The following DOP1A variants were observed in gnomAD, a reference collection of about 807,000 sequenced individuals.
DOP1A encodes protein DOP1A.
Under a neutral mutation model 267.6 loss-of-function variants are expected in DOP1A, and 90 were observed. The observed-to-expected ratio is 0.34, with a 90% CI of 0.28 to 0.40. The LOEUF is 0.40. Ranked by LOEUF, DOP1A falls within the 10% of genes least tolerant of loss-of-function variation. The pLI, the probability that DOP1A is intolerant of heterozygous loss-of-function variation, is 1.00. For missense variants in DOP1A, 2,437 were observed against 2,900.4 expected (o/e 0.84, Z 3.67); for synonymous variants, 932 against 999.1 (o/e 0.93, Z 1.27).
In DOP1A at chr6:83,138,895, G is replaced by A. The variant is rs1290940353; in HGVS notation, c.4853G>A (p.Ser1618Asn). 1.9e-6 allele frequency: 3 copies of A among 1,614,054 alleles called. No homozygotes were observed. In the Admixed American group the frequency reaches 5.0e-5, roughly 27 times the overall value. ...DFVVSDLEHI[S>N]PHQPMTSLQY... ...GTTGTATCTGACTTAGAACACATCA[G>A]TCCCCATCAACCCATGACTTCTCTT... The change falls in exon 21 of 39, where the codon AGT becomes AAT. Residue 1618 changes from serine to asparagine, a missense_variant. Ser to Asn is a conservative substitution (Grantham distance 46). Transcript: ENST00000349129.
Position 83,135,608 on chromosome 6 carries a change from G to A in DOP1A, c.2871-11G>A. The stretch of plus-strand genomic sequence containing the variant: ...TTGGTTCTTTATTTTAATTATTTGT[G>A]TTTATTTTAGGTCACTGTTCATCAT... On this transcript the variant is annotated splice_polypyrimidine_tract_variant and intron_variant, in intron 19 of 38. Transcript: ENST00000349129. The A allele has an allele frequency of 1.2e-6, 2 of 1,601,740 alleles. No individual in the cohort carries two copies. The highest frequency in any genetic ancestry group is 1.7e-6 in the Non-Finnish European group (2 of 1,172,438).
chr6:83,151,590 T>C lies in DOP1A; in HGVS notation c.5838-3T>C. The C allele has an allele frequency of 6.3e-7, 1 of 1,595,218 alleles. No homozygotes were observed. The highest frequency in any genetic ancestry group is 8.5e-7 in the Non-Finnish European group (1 of 1,174,566). ...GTTTCTGTTTTCTCTTTGGCCCTTT[T>C]AGGGTTCTGAATGAGTTTATTATGA... On this transcript the variant is annotated splice_polypyrimidine_tract_variant and splice_region_variant and intron_variant, in intron 27 of 38. Coordinates refer to ENST00000349129, the MANE Select transcript of DOP1A (RefSeq NM_015018.4).
At chr6:83,134,543 A>G in intron 19 of DOP1A, 1 of 353,928 alleles carries the variant, frequency 2.8e-6, no homozygotes, top group Non-Finnish European at 5.1e-6. Flanking sequence ...CGTTCCTGAT[A>G]ATGTTAGTGA....
chr6:83,110,970 A>T (rs1774455287), intron 6 of DOP1A, among the ~76,000 whole-genome samples: 1 of 152,146 alleles, frequency 6.6e-6, no homozygotes, highest in Non-Finnish European at 1.5e-5. Context: ...CAAGACACAG[A>T]ATATTTACAT....
rs1173596441 is a variant in DOP1A at position 83,157,336 on chromosome 6, C to T, written c.6741+18C>T. 2 of 1,609,954 alleles carry T rather than the reference C, an allele frequency of 1.2e-6. No homozygotes were observed. Among genetic ancestry groups the T allele is most frequent in the Non-Finnish European group, 1.7e-6 (2 of 1,176,856 alleles). On this transcript the variant is annotated intron_variant, in intron 35 of 38. Transcript: ENST00000349129. Reference sequence around the variant, plus strand: ...CAGAACTTGTGAGTTAATTTTAATTCAGTCAGGTTATAAATCTAAATGATA... The same window carrying T: ...CAGAACTTGTGAGTTAATTTTAATTTAGTCAGGTTATAAATCTAAATGATA...
downstream of DOP1A, chr6:83,169,871 TGTC>T: frequency 2.3e-6 from 1 of 434,908 alleles, no homozygotes; most frequent in Non-Finnish European, 4.5e-6. Context: ...AGAGTAAGGC[TGTC>T]ATTTAAAGGA....
chr6:83,132,191 T>C lies in DOP1A; in HGVS notation c.2632T>C (p.Leu878=), dbSNP rs1479172765. ...TEFFKHVALT[L]WDQLGDGTPQ... ...TTTTTTATAGCATGTAGCTTTAACA[T>C]TGTGGGACCAGTTGGGAGATGGGAC... Residue 878 remains leucine, a synonymous_variant, in exon 18 of 39, where the codon TTG becomes CTG. Coordinates refer to ENST00000349129, the MANE Select transcript of DOP1A (RefSeq NM_015018.4). The C allele has an allele frequency of 5.6e-6, 9 of 1,610,844 alleles. No homozygotes were observed. The highest frequency in any genetic ancestry group is 1.1e-5 in the South Asian group (1 of 90,790).
rs56225336 is a variant in DOP1A at position 83,166,504 on chromosome 6, G to C, written c.7093-1358G>C. On this transcript the variant is annotated intron_variant, in intron 38 of 38. Coordinates refer to ENST00000349129, the MANE Select transcript of DOP1A (RefSeq NM_015018.4). ...CAGAAAATCGCTAAATTTGATTTTT[G>C]TCTAACATCATTTCCATAGTCTAAA... 4,537 of 693,518 alleles carry C rather than the reference G, an allele frequency of 6.5e-3. 155 individuals are homozygous for C. The African/African-American group carries it at 0.069, about 11-fold the overall frequency. The allele number at this position is 693,518 out of a possible 1,614,324, so 43.0% of individuals were successfully genotyped here.
chr6:83,171,043 T>G (rs1786985475), downstream of DOP1A: 1 of 152,690 alleles, frequency 6.5e-6, no homozygotes, highest in African/African-American at 2.4e-5. Context: ...GAGTTTTGCT[T>G]CAAAATAATG....
chr6:83,141,875 T>G, intron 23 of DOP1A, 46 bp from the exon 24 acceptor site: 2 of 1,568,616 alleles, frequency 1.3e-6, no homozygotes, highest in Non-Finnish European at 1.7e-6. Context: ...TAAATGTTTT[T>G]TCATTTTTTA....
downstream of DOP1A, chr6:83,169,381 G>A (rs1383504509): frequency 1.3e-6 from 2 of 1,589,056 alleles, no homozygotes; most frequent in Non-Finnish European, 1.7e-6. Flanking sequence ...TCTAACATGG[G>A]CAAGACCATG....
chr6:83,071,218 CT>C (rs879658495), intron 1 of DOP1A, among the ~76,000 whole-genome samples: 42 of 146,334 alleles, frequency 2.9e-4, no homozygotes, highest in Admixed American at 3.4e-4. Context: ...AGGAAGTAAC[CT>C]TTTTTTTTTT....
At chr6:83,164,502 A>G (rs1225410969) in intron 38 of DOP1A, among the ~76,000 whole-genome samples, 1 of 152,166 alleles carries the variant, frequency 6.6e-6, no homozygotes, top group Non-Finnish European at 1.5e-5. Context: ...TAAATAATAA[A>G]TATGACAGTC....
chr6:83,121,516 G>A (rs1356201060), intron 10 of DOP1A, among the ~76,000 whole-genome samples: 1 of 151,626 alleles, frequency 6.6e-6, no homozygotes, highest in Non-Finnish European at 1.5e-5. Context: ...GTAATTACAA[G>A]TAGCTTTTGT....
rs76960445 is a variant in DOP1A at position 83,122,011 on chromosome 6, C to T, written c.1181C>T (p.Thr394Ile). The change falls in exon 11 of 39, where the codon ACT becomes ATT. Residue 394 changes from threonine to isoleucine, a missense_variant. Transcript: ENST00000349129. ...SQCKAELDLQ[T>I]EPPFSKDHAQ... The stretch of plus-strand genomic sequence containing the variant: ...TGCAAAGCAGAGTTGGATCTTCAAA[C>T]TGAACCACCCTTCAGCAAGGATCAT... The T allele has an allele frequency of 6.0e-3, 9,716 of 1,611,398 alleles. 32 individuals carry two copies. The highest frequency in any genetic ancestry group is 7.6e-3 in the Non-Finnish European group (8,962 of 1,178,078).
At chr6:83,159,503 C>T (rs1215980872) in intron 36 of DOP1A, among the ~76,000 whole-genome samples, 1 of 151,814 alleles carries the variant, frequency 6.6e-6, no homozygotes, top group Admixed American at 6.6e-5. Context: ...GTTGCCCAGG[C>T]TGGTCTCAAA....
At chr6:83,087,768 A>G (rs1271251923) in intron 1 of DOP1A, among the ~76,000 whole-genome samples, 1 of 152,234 alleles carries the variant, frequency 6.6e-6, no homozygotes, top group Non-Finnish European at 1.5e-5. Flanking sequence ...AGTACACTGT[A>G]AGGTTAGAAG....
At chr6:83,126,207 C>T (rs1425567284) in intron 15 of DOP1A, among the ~76,000 whole-genome samples, 1 of 150,786 alleles carries the variant, frequency 6.6e-6, no homozygotes, top group Admixed American at 6.7e-5. Context: ...AGGCACCACT[C>T]AAAGGTGAGC....
In DOP1A at chr6:83,138,205, T is replaced by C; in HGVS notation, c.4163T>C (p.Ile1388Thr). Reference sequence around the variant, plus strand: ...AGGACTTTGTATGCTTTCTCTGCCATCAAAGCCATCTTGAAAACTAACCCT... The same window carrying C: ...AGGACTTTGTATGCTTTCTCTGCCACCAAAGCCATCTTGAAAACTAACCCT... ...SSRTLYAFSAIKAILKTNPIA... is the reference protein window; with the variant it reads ...SSRTLYAFSATKAILKTNPIA... Residue 1388 changes from isoleucine to threonine, a missense_variant, in exon 21 of 39, where the codon ATC (isoleucine) becomes ACC (threonine). This residue lies in a region of DOP1A where 878 missense variants were observed against 992.9 expected (regional missense o/e 0.88). Transcript: ENST00000349129. The C allele has an allele frequency of 1.2e-6, 2 of 1,613,772 alleles. No homozygotes were observed. Among genetic ancestry groups the C allele is most frequent in the Non-Finnish European group, 1.7e-6 (2 of 1,179,864 alleles).
Sources: gnomAD v4.1 joint callset for allele counts (sites outside exome capture counted in the v4.1 genomes callset) on GRCh38, gnomAD v4.1.1 for gene constraint, gnomAD v4.1.1 regional missense constraint, MANE v1.5 for transcripts, NCBI Gene and HGNC (gene_info 2026-07-23, HGNC 2026-07-21) for gene names.